AMOT: variants seen among roughly 807,000 people sequenced by gnomAD.
The protein encoded by AMOT is angiomotin.
AMOT carries 11 observed loss-of-function variants against 67.0 expected under a neutral mutation model. The observed-to-expected ratio is 0.16, with a 90% CI of 0.10 to 0.27. AMOT has a LOEUF of 0.27. AMOT is among the 10% of genes least tolerant of loss of function. The pLI, the probability that AMOT is intolerant of heterozygous loss-of-function variation, is 1.00. For synonymous variants in AMOT, 326 were observed against 321.4 expected, an observed-to-expected ratio of 1.01 and a Z score of -0.15; for missense variants, 753 against 852.0, an observed-to-expected ratio of 0.88 and a Z score of 1.45.
chrX:112,789,922 C>T (rs1933509419), intron 10 of AMOT, among the ~76,000 whole-genome samples: 1 of 107,692 alleles, frequency 9.3e-6, no homozygotes, highest in African/African-American at 3.4e-5. Flanking sequence ...CAAGGTAAGA[C>T]ACATGAGGTA....
chrX:112,778,954 A>G (rs1933012909), intron 13 of AMOT, 43 bp downstream of exon 13: 1 of 1,121,460 alleles, frequency 8.9e-7, no homozygotes, highest in Non-Finnish European at 1.2e-6. Flanking sequence ...TGTATTTGAG[A>G]GCAGAACTAA....
chrX:112,780,677 T>G (rs1437239045), intron 12 of AMOT: 1 of 427,351 alleles, frequency 2.3e-6, no homozygotes, highest in Non-Finnish European at 4.1e-6. Flanking sequence ...AGCCTTGGCC[T>G]CAATCGGTAT....
At chrX:112,837,896 G>A (rs1248779790) in intron 1 of AMOT, among the ~76,000 whole-genome samples, 1 of 111,718 alleles carries the variant, frequency 9.0e-6, no homozygotes, top group South Asian at 3.8e-4. Flanking sequence ...AGAAAGAGAT[G>A]ATGTAATAGG....
At chrX:112,785,767 A>C (rs1933346484) in intron 10 of AMOT, among the ~76,000 whole-genome samples, 1 of 112,427 alleles carries the variant, frequency 8.9e-6, no homozygotes, top group African/African-American at 3.2e-5. Context: ...ACTATGCACC[A>C]GCGAAGTGGC....
At chrX:112,799,713 T>C (rs1407084080) in intron 8 of AMOT, among the ~76,000 whole-genome samples, 1 of 111,300 alleles carries the variant, frequency 9.0e-6, no homozygotes, top group African/African-American at 3.3e-5. Flanking sequence ...ATTAAAAGAA[T>C]TGAAGAGTAA....
intron 8 of AMOT, 123 bp downstream of exon 8, chrX:112,804,824 A>G: frequency 1.1e-6 from 1 of 949,088 alleles, no homozygotes; most frequent in Non-Finnish European, 1.5e-6. Context: ...AACTAGGAGC[A>G]GCAGATGGCA....
At chrX:112,798,809 T>C (rs1235377119) in intron 8 of AMOT, among the ~76,000 whole-genome samples, 1 of 111,829 alleles carries the variant, frequency 8.9e-6, no homozygotes, top group Non-Finnish European at 1.9e-5. Flanking sequence ...TATTGAAGCA[T>C]AAGGCAAATA....
intron 4 of AMOT, among the ~76,000 whole-genome samples, chrX:112,817,064 C>T: frequency 8.9e-6 from 1 of 111,903 alleles, no homozygotes; most frequent in Middle Eastern, 4.3e-3. Context: ...ACCTCATATG[C>T]TCCCATGTCC....
chrX:112,782,185 G>A lies in AMOT; in HGVS notation c.2240+355C>T, dbSNP rs567540760. Among the ~76,000 whole-genome samples, 14 of 112,115 alleles carry A rather than the reference G, an allele frequency of 1.2e-4. No homozygotes were observed. The South Asian group carries it at 2.6e-3, about 21-fold the overall frequency. ...ATTACAGGTGTGAGCCATTGTGCCC[G>A]GCCGAGCAGATGTTCTTTTACTCTT... is the stretch of plus-strand genomic sequence containing the variant. On this transcript the variant is annotated intron_variant, in intron 11 of 13. Transcript: ENST00000371959.
In AMOT at chrX:112,835,437, G is replaced by C. The variant is rs1935107738; in HGVS notation, c.-288-3067C>G. ...ATACACCCATTTGCATTTTCTCCAG[G>C]ATCATATATTACAAAAAAAAAAAAG... is the stretch of plus-strand genomic sequence containing the variant. On this transcript the variant is annotated intron_variant, in intron 1 of 13. Coordinates refer to ENST00000371959, the MANE Select transcript of AMOT (RefSeq NM_001113490.2). Among the ~76,000 whole-genome samples, 4 of 109,413 alleles carry C rather than the reference G, an allele frequency of 3.7e-5. No individual in the cohort carries two copies. In the Admixed American group the frequency reaches 3.9e-4, roughly 11 times the overall value.
At chrX:112,839,274 A>G (rs1168395889) in intron 1 of AMOT, among the ~76,000 whole-genome samples, 1 of 112,156 alleles carries the variant, frequency 8.9e-6, no homozygotes, top group Non-Finnish European at 1.9e-5. Flanking sequence ...CCAAAATGGC[A>G]TTTCAAACTA....
chrX:112,827,718 AG>A (rs1228344247), intron 2 of AMOT, among the ~76,000 whole-genome samples: 1 of 112,167 alleles, frequency 8.9e-6, no homozygotes. Context: ...TGTGAGGTTG[AG>A]CCAAAACACA....
intron 8 of AMOT, among the ~76,000 whole-genome samples, chrX:112,798,765 TA>T (rs1237983408): frequency 8.9e-6 from 1 of 112,171 alleles, no homozygotes; most frequent in African/African-American, 3.2e-5. Context: ...AGGAAAATCA[TA>T]AAATTGAGAG....
chrX:112,814,156 C>T (rs1429105823), intron 5 of AMOT, among the ~76,000 whole-genome samples: 1 of 110,473 alleles, frequency 9.1e-6, no homozygotes, highest in African/African-American at 3.3e-5. Flanking sequence ...CCTGTAATCC[C>T]AGCTACTCAG....
At chrX:112,788,197 G>A (rs1933440948) in intron 10 of AMOT, among the ~76,000 whole-genome samples, 1 of 109,576 alleles carries the variant, frequency 9.1e-6, no homozygotes. Flanking sequence ...GCTGAAGTAG[G>A]AGAATGGCAT....
At position 112,822,748 on chromosome X, in the gene AMOT, C is replaced by G; in HGVS notation, c.379G>C (p.Val127Leu). Reference sequence around the variant, plus strand: ...CCAGTGACATAGAAGGCAGCTCCAACACTGGCATGCTGTTGGCCCCGAAAG... The same window carrying G: ...CCAGTGACATAGAAGGCAGCTCCAAGACTGGCATGCTGTTGGCCCCGAAAG... ...QYFRGQQHASVGAAFYVTGVT... is the reference protein window; with the variant it reads ...QYFRGQQHASLGAAFYVTGVT... Residue 127 changes from valine to leucine, a missense_variant, in exon 4 of 14, where the codon GTT becomes CTT. Coordinates refer to ENST00000371959, the MANE Select transcript of AMOT (RefSeq NM_001113490.2). The G allele has an allele frequency of 8.6e-7, 1 of 1,167,233 alleles. No individual in the cohort carries two copies.
At chrX:112,833,245 C>A (rs1478648921) in intron 1 of AMOT, among the ~76,000 whole-genome samples, 6 of 110,975 alleles carry the variant, frequency 5.4e-5, no homozygotes, top group Non-Finnish European at 9.4e-5. Context: ...GCAAATGGCC[C>A]TAAAATCTCA....
Position 112,778,172 on chromosome X carries a change from A to G in AMOT, c.*395T>C, listed in dbSNP as rs150989995. The G allele has an allele frequency of 0.019, 2,235 of 116,712 alleles. 58 individuals carry two copies. Among genetic ancestry groups the G allele is most frequent in the African/African-American group, 0.068 (2,098 of 31,019 alleles). The allele number at this position is 116,712 out of a possible 1,213,427, so 9.6% of individuals were successfully genotyped here. A position where few individuals can be genotyped will look rare whatever the true frequency, so the allele number is the denominator to read the frequency against. ...CACACTCAATTCTCTCTAGCTTCCC[A>G]CTTCCAAACTACGTGTTATACACTG... On this transcript the variant is annotated 3_prime_UTR_variant, in exon 14 of 14. Coordinates refer to ENST00000371959, the MANE Select transcript of AMOT (RefSeq NM_001113490.2).
chrX:112,838,528 T>A (rs1290566814), intron 1 of AMOT, among the ~76,000 whole-genome samples: 1 of 111,469 alleles, frequency 9.0e-6, no homozygotes, highest in African/African-American at 3.3e-5. Context: ...CATTCTAGAG[T>A]CTGATGCAGT....
Sources: allele counts gnomAD v4.1 joint callset (sites outside exome capture counted in the v4.1 genomes callset), GRCh38; gene constraint gnomAD v4.1.1; transcripts MANE v1.5; gene names NCBI Gene and HGNC (gene_info 2026-07-23, HGNC 2026-07-21).